The following HECTD4 variants were observed in gnomAD, a reference collection of about 807,000 sequenced individuals.
HECTD4 encodes HECT domain E3 ubiquitin protein ligase 4, also known as probable E3 ubiquitin-protein ligase HECTD4.
A neutral mutation model predicts 471.5 loss-of-function variants in HECTD4; 114 were observed. The ratio of observed to expected loss-of-function variants is 0.24; its 90% CI spans 0.21 to 0.28. HECTD4 has a LOEUF of 0.28. Among genes scored for constraint, HECTD4 ranks in the 10% least tolerant of loss-of-function variants. The pLI is 1.00. For synonymous variants in HECTD4, 2,012 were observed against 2,256.0 expected (o/e 0.89, Z 3.07); for missense variants, 3,866 against 5,651.5 (o/e 0.68, Z 10.13).
rs1184930105 is a variant in HECTD4, at chr12:112,254,133, G to A, written c.3357C>T (p.Asn1119=). 1 of 1,613,896 alleles carries A rather than the reference G, an allele frequency of 6.2e-7. No homozygotes were observed. The highest frequency in any genetic ancestry group is 8.5e-7 in the Non-Finnish European group (1 of 1,179,834). The stretch of plus-strand genomic sequence containing the variant: ...CTCCATATTCAGCAACCTTCCTACT[G>A]TTTGTGTTAGGCCCCGCATATATCA... ...KLVIYAGPNT[N]SRKVAEYGGN... The change falls in exon 22 of 76, where the codon AAC becomes AAT. Residue 1119 remains asparagine, a synonymous_variant. Coordinates refer to ENST00000682272, the MANE Select transcript of HECTD4 (RefSeq NM_001388303.1).
At position 112,243,603 on chromosome 12, in the gene HECTD4, C is replaced by G; in HGVS notation, c.4791+17G>C. 6.2e-7 allele frequency: 1 copy of G among 1,606,154 alleles called. No individual in the cohort carries two copies. Among genetic ancestry groups the G allele is most frequent in the South Asian group, 1.1e-5 (1 of 90,024 alleles). The stretch of plus-strand genomic sequence containing the variant: ...TGTTAGGTGCTATTCATCTGGAGCC[C>G]GCAAAATGTGACGTACAGCTTGGTC... On this transcript the variant is annotated intron_variant, in intron 31 of 75. Coordinates refer to ENST00000682272, the MANE Select transcript of HECTD4 (RefSeq NM_001388303.1). The surrounding 1 kb of genome is among the most constrained non-coding windows in gnomAD (Gnocchi z 6.6).
chr12:112,314,459 A>G lies in HECTD4; in HGVS notation c.783T>C (p.Tyr261=), dbSNP rs1566108545. The G allele has an allele frequency of 6.7e-7, 1 of 1,498,524 alleles. No individual in the cohort carries two copies. The highest frequency in any genetic ancestry group is 9.0e-7 in the Non-Finnish European group (1 of 1,112,644). The allele number at this position is 1,498,524 out of a possible 1,614,324, so 92.8% of individuals were successfully genotyped here. A position where few individuals can be genotyped will look rare whatever the true frequency, so the allele number is the denominator to read the frequency against. ...LGSLPVADVL[Y]RLLLLEGGPG... is the part of the protein sequence containing the mutation. The stretch of plus-strand genomic sequence containing the variant: ...AAGGATACAAAGTGACAACTTACCT[A>G]TATAGCACATCAGCTACAGGCAGGG... Residue 261 remains tyrosine (Y), a splice_region_variant and synonymous_variant, in exon 3 of 76, where the codon TAT becomes TAC. Transcript: ENST00000682272.
chr12:112,242,669 G>T (rs187155221), intron 32 of HECTD4, among the ~76,000 whole-genome samples: 38 of 151,878 alleles, frequency 2.5e-4, no homozygotes, highest in Non-Finnish European at 4.3e-4. Flanking sequence ...CAGCACTTTG[G>T]GGGGGCCGAG....
rs1260885747 is a variant in HECTD4 at position 112,217,039 on chromosome 12, C to T, written c.7231G>A (p.Val2411Ile). 3 of 1,583,260 alleles carry T rather than the reference C, an allele frequency of 1.9e-6. No homozygotes were observed. The Admixed American group carries it at 5.3e-5, about 28-fold the overall frequency. ...TGTGTCATGTGATGTCTCACCTGAA[C>T]TGGCAGTGGTGAAGTGGCATAGATA... ...TFIYATSPLP[V>I]QAPSFYWEIE... Residue 2411 changes from valine (V) to isoleucine (I), a missense_variant, in exon 46 of 76, where the codon GTT becomes ATT. By Grantham distance (29) the Val-to-Ile change is conservative (BLOSUM62 3). Around this residue, in one of 16 missense-constraint regions of HECTD4, gnomAD observed 617 missense variants for 915.1 expected, o/e 0.67. Coordinates refer to ENST00000682272, the MANE Select transcript of HECTD4 (RefSeq NM_001388303.1).
chr12:112,365,772 G>GTT (rs5800943), intron 1 of HECTD4, among the ~76,000 whole-genome samples: 5 of 91,966 alleles, frequency 5.4e-5, no homozygotes, highest in Non-Finnish European at 6.5e-5. Context: ...TTTTTTTTTT[G>GTT]TTTTTTTTTT....
At position 112,228,222 on chromosome 12, in the gene HECTD4, C is replaced by G. The variant is rs2033290286; in HGVS notation, c.6721G>C (p.Val2241Leu). 3 of 1,612,804 alleles carry G rather than the reference C, an allele frequency of 1.9e-6. No individual in the cohort carries two copies. Among genetic ancestry groups the G allele is most frequent in the Non-Finnish European group, 1.7e-6 (2 of 1,179,492 alleles). The change falls in exon 43 of 76, where the codon GTA becomes CTA. Residue 2241 changes from valine to leucine, a missense_variant. Val to Leu is a conservative substitution (Grantham distance 32). Around this residue, in one of 16 missense-constraint regions of HECTD4, gnomAD observed 617 missense variants for 915.1 expected, o/e 0.67. Coordinates refer to ENST00000682272, the MANE Select transcript of HECTD4 (RefSeq NM_001388303.1). The surrounding 1 kb of genome is among the most constrained non-coding windows in gnomAD (Gnocchi z 4.9). ...PLHKLSITEK[V>L]VQAVQSMLLP... ...AACATGGACTGGACTGCCTGTACTACCTTCTCAGTAATGGACAGTTTATGA... is the reference window on the plus strand; with the variant it reads ...AACATGGACTGGACTGCCTGTACTAGCTTCTCAGTAATGGACAGTTTATGA...
chr12:112,322,407 A>C (rs1478808713), intron 1 of HECTD4: 1 of 152,690 alleles, frequency 6.5e-6, no homozygotes, highest in Non-Finnish European at 1.5e-5. Context: ...CAAGTAGAAA[A>C]ACTTTGTAAT....
At position 112,246,984 on chromosome 12, in the gene HECTD4, C is replaced by T; in HGVS notation, c.4430G>A (p.Arg1477Gln). 2 of 1,611,982 alleles carry T rather than the reference C, an allele frequency of 1.2e-6. No individual in the cohort carries two copies. Among genetic ancestry groups the T allele is most frequent in the Non-Finnish European group, 8.5e-7 (1 of 1,179,792 alleles). Residue 1477 changes from arginine to glutamine, a missense_variant, in exon 29 of 76, where the codon CGA (arginine) becomes CAA (glutamine). Around this residue, in one of 16 missense-constraint regions of HECTD4, gnomAD observed 281 missense variants for 499.9 expected, o/e 0.56. Transcript: ENST00000682272. ...GGTGACATGCAGCAACAGCTCGGCT[C>T]GGTTCATTAAACTCTTCACTAACGT... ...TKTLVKSLMN[R>Q]AELLLHVTIA...
At position 112,244,060 on chromosome 12, in the gene HECTD4, G is replaced by C. The variant is rs1593969639; in HGVS notation, c.4514-51C>G. 4.4e-6 allele frequency: 7 copies of C among 1,590,044 alleles called. No homozygotes were observed. The East Asian group carries it at 1.1e-4, about 25-fold the overall frequency. On this transcript the variant is annotated intron_variant, in intron 29 of 75. Transcript: ENST00000682272. Reference sequence around the variant, plus strand: ...TGACATTTCTGCTATCTGTACAACAGCCAAATGCAACACAGAACTACCCAA... The same window carrying C: ...TGACATTTCTGCTATCTGTACAACACCCAAATGCAACACAGAACTACCCAA...
intron 7 of HECTD4, among the ~76,000 whole-genome samples, chr12:112,289,918 C>T (rs1350618185): frequency 6.6e-6 from 1 of 151,530 alleles, no homozygotes; most frequent in African/African-American, 2.4e-5. Context: ...CTCAGGTAAT[C>T]CTCCCGCTTC....
chr12:112,377,594 G>T (rs1008220623), intron 1 of HECTD4, among the ~76,000 whole-genome samples: 1 of 152,184 alleles, frequency 6.6e-6, no homozygotes, highest in African/African-American at 2.4e-5. Context: ...GAAGAGGCCG[G>T]GTGCGGTGGC....
chr12:112,183,464 C>G (rs1365950564), intron 61 of HECTD4, among the ~76,000 whole-genome samples, 198 bp from the exon 62 acceptor site: 3 of 152,194 alleles, frequency 2.0e-5, no homozygotes, highest in Admixed American at 6.5e-5. Flanking sequence ...GCAAATGACT[C>G]AACCTGAAAT....
rs2137033866 is a variant in HECTD4 at position 112,188,508 on chromosome 12, T to A, written c.9472+2278A>T. Reference sequence around the variant, plus strand: ...GGATCTGAGTGGAAAGAGAGAAAGCTCATGTACGTGAGACACGATTAGGGA... The same window carrying A: ...GGATCTGAGTGGAAAGAGAGAAAGCACATGTACGTGAGACACGATTAGGGA... On this transcript the variant is annotated intron_variant, in intron 60 of 75. Transcript: ENST00000682272. The surrounding 1 kb of genome is among the most constrained non-coding windows in gnomAD (Gnocchi z 4.2). 6.6e-6 allele frequency among the ~76,000 whole-genome samples: 1 copy of A among 152,262 alleles called. No individual in the cohort carries two copies. The highest frequency in any genetic ancestry group is 2.1e-4 in the South Asian group (1 of 4,822).
At chr12:112,252,401 C>A in intron 23 of HECTD4, 23 bp downstream of exon 23, 1 of 1,567,566 alleles carries the variant, frequency 6.4e-7, no homozygotes. Flanking sequence ...ATTTTGTCCA[C>A]GGCAGTGGTT....
At position 112,173,422 on chromosome 12, in the gene HECTD4, C is replaced by T. The variant is rs981411880; in HGVS notation, c.11595-561G>A. On this transcript the variant is annotated intron_variant, in intron 66 of 75. Coordinates refer to ENST00000682272, the MANE Select transcript of HECTD4 (RefSeq NM_001388303.1). This position sits in a 1 kb window ranked among gnomAD's most constrained non-coding sequence, Gnocchi z 4.3. Reference sequence around the variant, plus strand: ...ATTTATTTTTTGAGATGGAGTCTCGCTCTATCGCCCAGGCTGGAGTGCAGT... The same window carrying T: ...ATTTATTTTTTGAGATGGAGTCTCGTTCTATCGCCCAGGCTGGAGTGCAGT... Among the ~76,000 whole-genome samples the T allele has an allele frequency of 2.6e-5, 4 of 151,938 alleles. No individual in the cohort carries two copies. Among genetic ancestry groups the T allele is most frequent in the Non-Finnish European group, 5.9e-5 (4 of 68,008 alleles).
At chr12:112,315,809 T>C (rs954296736) in intron 2 of HECTD4, among the ~76,000 whole-genome samples, 5 of 150,254 alleles carry the variant, frequency 3.3e-5, no homozygotes, top group African/African-American at 1.2e-4. Context: ...GGCAGGAGGA[T>C]TGCTTGAACA....
Position 112,254,064 on chromosome 12 carries a change from A to G in HECTD4, c.3426T>C (p.Gly1142=), listed in dbSNP as rs557293554. 133 of 1,613,968 alleles carry G rather than the reference A, an allele frequency of 8.2e-5. 5 individuals carry two copies. The South Asian group carries it at 1.5e-3, about 18-fold the overall frequency. ...ATACCTTCACCAAGTCTTTCGGCCA[A>G]CCAGTTCCTAAGACACTACGGCTGC... ...GYGSRSVLGT[G]WPKDLVKVEG... Residue 1142 remains glycine, a synonymous_variant, in exon 22 of 76, where the codon GGT becomes GGC. Coordinates refer to ENST00000682272, the MANE Select transcript of HECTD4 (RefSeq NM_001388303.1).
intron 1 of HECTD4, among the ~76,000 whole-genome samples, chr12:112,334,009 T>C (rs1594053216): frequency 6.6e-6 from 1 of 151,738 alleles, no homozygotes; most frequent in Admixed American, 6.6e-5. Flanking sequence ...AAGAGTTCAA[T>C]ACCAGCCTGG....
chr12:112,198,274 G>C (rs1216308577), intron 55 of HECTD4, among the ~76,000 whole-genome samples: 1 of 152,222 alleles, frequency 6.6e-6, no homozygotes, highest in Non-Finnish European at 1.5e-5. Flanking sequence ...GCTTTTTGAA[G>C]AGGTGAGTAT....
Sources: allele counts gnomAD v4.1 joint callset (sites outside exome capture counted in the v4.1 genomes callset), GRCh38; gene constraint gnomAD v4.1.1; regional missense constraint gnomAD v4.1.1; non-coding constraint Gnocchi (gnomAD v3.1); transcripts MANE v1.5; gene names NCBI Gene and HGNC (gene_info 2026-07-23, HGNC 2026-07-21).